The following IFFO1 variants were observed in gnomAD, a reference collection of about 807,000 sequenced individuals.
IFFO1 encodes the protein intermediate filament family orphan 1.
In IFFO1, 42 loss-of-function variants were observed where a neutral mutation model predicts 59.6. That is an observed-to-expected ratio of 0.70 (90% CI 0.55 to 0.91). The LOEUF (loss-of-function observed/expected upper bound fraction) is 0.91. Among genes scored for constraint, IFFO1 ranks in the 40% least tolerant of loss-of-function variants. The pLI, the probability that IFFO1 is intolerant of heterozygous loss-of-function variation, is 0.00. For synonymous variants in IFFO1, 336 were observed against 342.8 expected (o/e 0.98, Z 0.22); for missense variants, 711 against 793.2 (o/e 0.90, Z 1.24).
chr12:6,541,538 G>A lies in IFFO1; in HGVS notation c.1584C>T (p.Arg528=). The A allele has an allele frequency of 6.2e-7, 1 of 1,614,098 alleles. No homozygotes were observed. The highest frequency in any genetic ancestry group is 1.7e-5 in the Admixed American group (1 of 60,034). The stretch of plus-strand genomic sequence containing the variant: ...GGTCTCCAGACTGGGTGATGAGCCG[G>A]CGGCAGGTCTCCATCTGCACGTCCA... ...RGLDVQMETC[R]RLITQSGDRK... The change falls in exon 9 of 10, where the codon CGC becomes CGT. Residue 528 remains arginine (R), a synonymous_variant. Coordinates refer to ENST00000619571, the MANE Select transcript of IFFO1 (RefSeq NM_001193457.2). The surrounding 1 kb of genome is among the most constrained non-coding windows in gnomAD (Gnocchi z 4.8).
intron 1 of IFFO1, chr12:6,551,643 G>C (rs911103624): frequency 4.5e-6 from 2 of 441,694 alleles, no homozygotes; most frequent in Admixed American, 2.5e-5. Flanking sequence ...GACTGGCTCA[G>C]AGGCCGGAAG....
chr12:6,540,511 T>C lies in IFFO1; in HGVS notation c.1688A>G (p.Asp563Gly). 6.2e-7 allele frequency: 1 copy of C among 1,614,006 alleles called. No individual in the cohort carries two copies. Among genetic ancestry groups the C allele is most frequent in the South Asian group, 1.1e-5 (1 of 91,080 alleles). Residue 563 changes from aspartate (D) to glycine (G), a missense_variant, in exon 10 of 10, where the codon GAT (aspartate) becomes GGT (glycine). Coordinates refer to ENST00000619571, the MANE Select transcript of IFFO1 (RefSeq NM_001193457.2). ...TCTCATGGAGCTGTCAGATGAGACA[T>C]CGCGATCGGAGTCCTCAGCCTCGCT... ...PPSEAEDSDR[D>G]VSSDSSMR is the part of the protein sequence containing the mutation.
intron 8 of IFFO1, among the ~76,000 whole-genome samples, chr12:6,544,417 C>T (rs991403240): frequency 2.6e-5 from 4 of 152,188 alleles, no homozygotes; most frequent in Non-Finnish European, 4.4e-5. Context: ...GATCTGCCCG[C>T]GTTGGCCTCC....
chr12:6,541,683 C>A lies in IFFO1; in HGVS notation c.1480-41G>T, dbSNP rs763881663. The A allele has an allele frequency of 1.9e-6, 3 of 1,610,968 alleles. No individual in the cohort carries two copies. Among genetic ancestry groups the A allele is most frequent in the Non-Finnish European group, 2.5e-6 (3 of 1,179,240 alleles). On this transcript the variant is annotated intron_variant, in intron 8 of 9. Transcript: ENST00000619571. The surrounding 1 kb of genome is among the most constrained non-coding windows in gnomAD (Gnocchi z 4.8). Reference sequence around the variant, plus strand: ...CAGGGCCATCGGGGTTAACAGGTGGCGTTCACAGCGCCTCTGTTGCCCCCG... The same window carrying A: ...CAGGGCCATCGGGGTTAACAGGTGGAGTTCACAGCGCCTCTGTTGCCCCCG...
At position 6,548,660 on chromosome 12, in the gene IFFO1, G is replaced by A. The variant is rs768365506; in HGVS notation, c.1262+8C>T. ...TCGGTGCTGCGGGAGCACGGCCTGC[G>A]GACTCACAGCTGGTTGAGCATGCGC... On this transcript the variant is annotated splice_region_variant and intron_variant, in intron 6 of 9. Transcript: ENST00000619571. The surrounding 1 kb of genome is among the most constrained non-coding windows in gnomAD (Gnocchi z 6.1). The A allele has an allele frequency of 1.2e-5, 20 of 1,613,934 alleles. No homozygotes were observed. Among genetic ancestry groups the A allele is most frequent in the Middle Eastern group, 3.3e-4 (2 of 6,084 alleles).
chr12:6,547,804 G>C (rs1355899722), intron 8 of IFFO1, among the ~76,000 whole-genome samples: 1 of 151,916 alleles, frequency 6.6e-6, no homozygotes, highest in African/African-American at 2.4e-5. Context: ...GGAAAGGAAA[G>C]GAGGGGCTCA....
intron 8 of IFFO1, among the ~76,000 whole-genome samples, chr12:6,545,873 T>A (rs1252874285): frequency 6.6e-6 from 1 of 152,164 alleles, no homozygotes; most frequent in African/African-American, 2.4e-5. Context: ...TATTTTTACT[T>A]CATAATGGCC....
chr12:6,549,825 G>A lies in IFFO1; in HGVS notation c.1002C>T (p.Ile334=), dbSNP rs200162759. The change falls in exon 4 of 10, where the codon ATC becomes ATT. Residue 334 remains isoleucine, a synonymous_variant. Transcript: ENST00000619571. The surrounding 1 kb of genome is among the most constrained non-coding windows in gnomAD (Gnocchi z 5.0). ...CATCGCAGAGCTTGGCGGTGATGTC[G>A]ATGCGGCGGCAGATGTCCATATCCA... ...MKVDMDICRR[I]DITAKLCDVA... is the part of the protein sequence containing the mutation. 38 of 1,614,172 alleles carry A rather than the reference G, an allele frequency of 2.4e-5. No individual in the cohort carries two copies. The highest frequency in any genetic ancestry group is 6.7e-5 in the African/African-American group (5 of 75,068).
In IFFO1 at chr12:6,539,662, A is replaced by T. The variant is rs537440250; in HGVS notation, c.*821T>A. 6.6e-6 allele frequency: 1 copy of T among 152,392 alleles called. No individual in the cohort carries two copies. The highest frequency in any genetic ancestry group is 2.1e-4 in the South Asian group (1 of 4,836). The allele number at this position is 152,392 out of a possible 1,614,324, so 9.4% of individuals were successfully genotyped here. On this transcript the variant is annotated 3_prime_UTR_variant, in exon 10 of 10. Coordinates refer to ENST00000619571, the MANE Select transcript of IFFO1 (RefSeq NM_001193457.2). ...CCAGGCTTTTCCAAGAATCAGGGAC[A>T]CTGTAGCCTGTTGGTCTCAGTGTAT...
Position 6,540,315 on chromosome 12 carries a change from C to A in IFFO1, c.*168G>T. 1.5e-6 allele frequency: 1 copy of A among 646,100 alleles called. No homozygotes were observed. The highest frequency in any genetic ancestry group is 2.8e-6 in the Non-Finnish European group (1 of 360,060). The allele number at this position is 646,100 out of a possible 1,614,324, so 40.0% of individuals were successfully genotyped here. A position where few individuals can be genotyped will look rare whatever the true frequency, so the allele number is the denominator to read the frequency against. ...AGCCTAGCTCCAGACACCCCAGAGCCCTGGAGAAGCCAAGACTGAGGGAGA... is the reference window on the plus strand; with the variant it reads ...AGCCTAGCTCCAGACACCCCAGAGCACTGGAGAAGCCAAGACTGAGGGAGA... On this transcript the variant is annotated 3_prime_UTR_variant, in exon 10 of 10. Coordinates refer to ENST00000619571, the MANE Select transcript of IFFO1 (RefSeq NM_001193457.2).
In IFFO1 at chr12:6,548,028, G is replaced by T; in HGVS notation, c.1479+37C>A. On this transcript the variant is annotated intron_variant, in intron 8 of 9. Transcript: ENST00000619571. This position sits in a 1 kb window ranked among gnomAD's most constrained non-coding sequence, Gnocchi z 6.1. ...CCTGCAGCCCCACTCAAAACCCTCT[G>T]GGACACCACGCCCCTGGCTTCCGCT... The T allele has an allele frequency of 6.6e-7, 1 of 1,515,824 alleles. No individual in the cohort carries two copies. The highest frequency in any genetic ancestry group is 1.1e-5 in the South Asian group (1 of 89,074). The allele number at this position is 1,515,824 out of a possible 1,614,324, so 93.9% of individuals were successfully genotyped here.
intron 1 of IFFO1, among the ~76,000 whole-genome samples, chr12:6,554,321 G>T (rs1227490061): frequency 6.6e-6 from 1 of 152,154 alleles, no homozygotes; most frequent in Non-Finnish European, 1.5e-5. Context: ...TCAGTCACCC[G>T]CTCCCTCCTC....
At position 6,556,022 on chromosome 12, in the gene IFFO1, G is replaced by A; in HGVS notation, c.8C>T (p.Pro3Leu). MN[P>L]LFGPNLFLLQ... ...GAGGAAGAGGTTGGGGCCGAATAAC[G>A]GATTCATGGCTGCGCCTTCTGCTGG... The change falls in exon 1 of 10, where the codon CCG becomes CTG. Residue 3 changes from proline (P) to leucine (L), a missense_variant. Pro to Leu is a moderately conservative substitution (Grantham distance 98). Around this residue, in one of 3 missense-constraint regions of IFFO1, gnomAD observed 114 missense variants for 102.4 expected, o/e 1.11. Transcript: ENST00000619571. 1.3e-6 allele frequency: 2 copies of A among 1,580,064 alleles called. No homozygotes were observed. Among genetic ancestry groups the A allele is most frequent in the Non-Finnish European group, 8.5e-7 (1 of 1,171,152 alleles).
rs1946709017 is a variant in IFFO1, at chr12:6,541,511, C to G, written c.1610+1G>C. On this transcript the variant is annotated splice_donor_variant, in intron 9 of 9. Coordinates refer to ENST00000619571, the MANE Select transcript of IFFO1 (RefSeq NM_001193457.2). LOFTEE classifies it high-confidence loss of function. This position sits in a 1 kb window ranked among gnomAD's most constrained non-coding sequence, Gnocchi z 4.8. ...GCCCCATGCCCAGGGGAGGCGCCTA[C>G]CGGTCTCCAGACTGGGTGATGAGCC... is the stretch of plus-strand genomic sequence containing the variant. 6.2e-7 allele frequency: 1 copy of G among 1,613,524 alleles called. No individual in the cohort carries two copies. The highest frequency in any genetic ancestry group is 1.3e-5 in the African/African-American group (1 of 74,952).
Position 6,549,998 on chromosome 12 carries a change from G to A in IFFO1, c.931-102C>T. ...TCATCCTTCCCACCACATTGCACCGGTGCCTCTTCTGTGGAGTCTCCCTGA... is the reference window on the plus strand; with the variant it reads ...TCATCCTTCCCACCACATTGCACCGATGCCTCTTCTGTGGAGTCTCCCTGA... On this transcript the variant is annotated intron_variant, in intron 3 of 9. Transcript: ENST00000619571. The surrounding 1 kb of genome is among the most constrained non-coding windows in gnomAD (Gnocchi z 5.0). The A allele has an allele frequency of 1.5e-6, 2 of 1,306,696 alleles. No homozygotes were observed. The highest frequency in any genetic ancestry group is 1.4e-5 in the South Asian group (1 of 70,700). 80.9% of individuals were successfully genotyped at this position (1,306,696 alleles called of 1,614,324 possible). A position where few individuals can be genotyped will look rare whatever the true frequency, so the allele number is the denominator to read the frequency against.
Position 6,548,341 on chromosome 12 carries a change from A to T in IFFO1, c.1383+84T>A. ...TAGAGGATGACAGCCACATGGGGGG[A>T]CAGAGCAAGGAGAGGAGCGGGGGAG... On this transcript the variant is annotated intron_variant, in intron 7 of 9. Transcript: ENST00000619571. This position sits in a 1 kb window ranked among gnomAD's most constrained non-coding sequence, Gnocchi z 6.1. 1 of 1,493,752 alleles carries T rather than the reference A, an allele frequency of 6.7e-7. No homozygotes were observed. Among genetic ancestry groups the T allele is most frequent in the Non-Finnish European group, 9.2e-7 (1 of 1,091,690 alleles). The allele number at this position is 1,493,752 out of a possible 1,614,324, so 92.5% of individuals were successfully genotyped here.
chr12:6,548,816 T>A lies in IFFO1; in HGVS notation c.1114A>T (p.Met372Leu). ...LHLSPIKVPS[M>L]GGRKRERKAA... The stretch of plus-strand genomic sequence containing the variant: ...TTGCGCTCCCGCTTCCGCCCCCCCA[T>A]GGATGGGACCTTAATGGGAGACAAG... The change falls in exon 6 of 10, where the codon ATG (methionine) becomes TTG (leucine). Residue 372 changes from methionine to leucine, a missense_variant. Physicochemically the swap from Met to Leu is conservative, Grantham distance 15 (BLOSUM62 2). Transcript: ENST00000619571. This position sits in a 1 kb window ranked among gnomAD's most constrained non-coding sequence, Gnocchi z 6.1. 1.2e-6 allele frequency: 2 copies of A among 1,612,662 alleles called. No individual in the cohort carries two copies. The highest frequency in any genetic ancestry group is 1.7e-6 in the Non-Finnish European group (2 of 1,179,570).
At chr12:6,542,433 C>T (rs1555144296) in intron 8 of IFFO1, among the ~76,000 whole-genome samples, 1 of 152,204 alleles carries the variant, frequency 6.6e-6, no homozygotes, top group Non-Finnish European at 1.5e-5. Flanking sequence ...GACTGCCTCT[C>T]TTTGTTTTGG....
intron 8 of IFFO1, among the ~76,000 whole-genome samples, chr12:6,544,206 A>G (rs1227500715): frequency 6.9e-6 from 1 of 145,602 alleles, no homozygotes; most frequent in Middle Eastern, 3.5e-3. Context: ...TTGCTCTGTC[A>G]CCCAGGCTGT....
Sources: allele counts gnomAD v4.1 joint callset (sites outside exome capture counted in the v4.1 genomes callset), GRCh38; gene constraint gnomAD v4.1.1; regional missense constraint gnomAD v4.1.1; non-coding constraint Gnocchi (gnomAD v3.1); transcripts MANE v1.5; gene names NCBI Gene and HGNC (gene_info 2026-07-23, HGNC 2026-07-21).